Variants in HLF observed in about 807,000 individuals in gnomAD.
The protein encoded by HLF is HLF transcription factor, PAR bZIP family member, also known as hepatic leukemia factor.
A neutral mutation model predicts 22.6 loss-of-function variants in HLF; 3 were observed. The ratio of observed to expected loss-of-function variants is 0.13; its 90% CI spans 0.06 to 0.34. The LOEUF is 0.34. HLF is among the 10% of genes least tolerant of loss of function. The pLI, the probability that HLF is intolerant of heterozygous loss-of-function variation, is 1.00. For synonymous variants in HLF, 151 were observed against 151.8 expected (o/e 0.99, Z 0.04); for missense variants, 299 against 389.2 (o/e 0.77, Z 1.95).
At chr17:55,302,460 A>G (rs943350900) in intron 2 of HLF, among the ~76,000 whole-genome samples, 20 of 152,222 alleles carry the variant, frequency 1.3e-4, no homozygotes, top group Non-Finnish European at 1.5e-5. Context: ...CGCAGACTTT[A>G]AAACAACCTT....
chr17:55,265,292 G>GT lies in HLF; in HGVS notation c.-184dup, dbSNP rs564866737. 5.9e-4 allele frequency: 293 copies of GT among 493,648 alleles called. No homozygotes were observed. The highest frequency in any genetic ancestry group is 9.7e-4 in the East Asian group (27 of 27,884). 30.6% of individuals were successfully genotyped at this position (493,648 alleles called of 1,614,324 possible). A position where few individuals can be genotyped will look rare whatever the true frequency, so the allele number is the denominator to read the frequency against. ...GACCGTCTGCACTGGAAACCCGAAA[G>GT]TTTTTTTTTAATATATATTTTTATG... On this transcript the variant is annotated 5_prime_UTR_variant, in exon 1 of 4. Coordinates refer to ENST00000226067, the MANE Select transcript of HLF (RefSeq NM_002126.5).
chr17:55,285,751 CTTCGGAACACACT>C (rs2080997919), intron 2 of HLF, among the ~76,000 whole-genome samples: 1 of 152,236 alleles, frequency 6.6e-6, no homozygotes, highest in Non-Finnish European at 1.5e-5. Flanking sequence ...TTACATTTCA[CTTCGGAACACACT>C]TTCGCATCAC....
intron 2 of HLF, among the ~76,000 whole-genome samples, chr17:55,303,319 A>G (rs1333288429): frequency 6.6e-6 from 1 of 152,212 alleles, no homozygotes; most frequent in African/African-American, 2.4e-5. Context: ...ACTGTTGCAC[A>G]AAACACTGCA....
At chr17:55,312,475 G>A (rs921992319) in intron 2 of HLF, among the ~76,000 whole-genome samples, 4 of 152,170 alleles carry the variant, frequency 2.6e-5, no homozygotes, top group African/African-American at 9.7e-5. Flanking sequence ...ATTATACATC[G>A]TTATATATCC....
rs371358640 is a variant in HLF at position 55,324,815 on chromosome 17, ATG to A, written c.*3950_*3951del. 2.9e-3 allele frequency: 567 copies of A among 196,740 alleles called. No individual in the cohort carries two copies. Among genetic ancestry groups the A allele is most frequent in the Middle Eastern group, 8.1e-3 (5 of 614 alleles). The allele number at this position is 196,740 out of a possible 1,614,324, so 12.2% of individuals were successfully genotyped here. A position where few individuals can be genotyped will look rare whatever the true frequency, so the allele number is the denominator to read the frequency against. ...AGTGTGTGTGTGTGTGTGTGCGTGC[ATG>A]TGTGTGTGTGTGTATGTGTGTGAAT... On this transcript the variant is annotated 3_prime_UTR_variant, in exon 4 of 4. Coordinates refer to ENST00000226067, the MANE Select transcript of HLF (RefSeq NM_002126.5).
intron 2 of HLF, among the ~76,000 whole-genome samples, chr17:55,275,772 G>A (rs1320929502): frequency 1.3e-5 from 2 of 152,176 alleles, no homozygotes; most frequent in African/African-American, 4.8e-5. Context: ...TTGGTGCCCT[G>A]TACATAGTAG....
intron 2 of HLF, among the ~76,000 whole-genome samples, chr17:55,314,369 A>G (rs571873939): frequency 6.6e-6 from 1 of 152,290 alleles, no homozygotes; most frequent in Admixed American, 6.5e-5. Flanking sequence ...TGCTACCGTT[A>G]ATGTGTACAC....
chr17:55,300,818 C>T (rs1023627853), intron 2 of HLF, among the ~76,000 whole-genome samples: 2 of 152,212 alleles, frequency 1.3e-5, no homozygotes, highest in Non-Finnish European at 2.9e-5. Flanking sequence ...TGAAACGAGT[C>T]ATCTGATCAA....
intron 2 of HLF, among the ~76,000 whole-genome samples, chr17:55,299,141 A>T (rs563907108): frequency 2.6e-5 from 4 of 152,236 alleles, no homozygotes; most frequent in Non-Finnish European, 4.4e-5. Context: ...GAGATTGCTC[A>T]CCGTACCCCA....
rs575723143 is a variant in HLF, at chr17:55,301,140, A to G, written c.452-14087A>G. ...TCCTGTTGTCCCTGCACTCCCTCCA[A>G]AGATAGGGATTTGTGATCAACCTTT... On this transcript the variant is annotated intron_variant, in intron 2 of 3. Transcript: ENST00000226067. Among the ~76,000 whole-genome samples the G allele has an allele frequency of 3.9e-5, 6 of 152,324 alleles. No individual in the cohort carries two copies. In the East Asian group the frequency reaches 1.2e-3, roughly 29 times the overall value.
At chr17:55,304,810 G>T (rs929940360) in intron 2 of HLF, among the ~76,000 whole-genome samples, 2 of 152,208 alleles carry the variant, frequency 1.3e-5, no homozygotes. Context: ...TGAGGTGGGC[G>T]TCATTTCTCC....
At chr17:55,278,916 A>G (rs1174275814) in intron 2 of HLF, among the ~76,000 whole-genome samples, 1 of 152,216 alleles carries the variant, frequency 6.6e-6, no homozygotes, top group Admixed American at 6.5e-5. Context: ...TTTATAGAGG[A>G]AAGAGTAAGT....
chr17:55,269,498 T>C (rs2080832279), intron 2 of HLF, among the ~76,000 whole-genome samples: 1 of 152,218 alleles, frequency 6.6e-6, no homozygotes, highest in Non-Finnish European at 1.5e-5. Context: ...AGAGCCCCAG[T>C]GAGAGACACA....
At chr17:55,302,290 A>T (rs1211320508) in intron 2 of HLF, among the ~76,000 whole-genome samples, 1 of 152,264 alleles carries the variant, frequency 6.6e-6, no homozygotes, top group Admixed American at 6.5e-5. Flanking sequence ...AAGAGATTAC[A>T]GAGAACACTG....
At chr17:55,291,004 C>T (rs1468562890) in intron 2 of HLF, among the ~76,000 whole-genome samples, 1 of 152,214 alleles carries the variant, frequency 6.6e-6, no homozygotes, top group East Asian at 1.9e-4. Context: ...CAGGGCCTAA[C>T]TCTCTTCAAT....
At chr17:55,273,581 TG>T (rs1051600724) in intron 2 of HLF, 4 of 152,216 alleles carry the variant, frequency 2.6e-5, no homozygotes, top group Admixed American at 2.6e-4. Flanking sequence ...GCATGGCTTC[TG>T]GGTTACCAAC....
chr17:55,315,333 C>T lies in HLF; in HGVS notation c.558C>T (p.Ser186=). Residue 186 remains serine (S), a synonymous_variant, in exon 3 of 4, where the codon AGC becomes AGT. Transcript: ENST00000226067. Reference sequence around the variant, plus strand: ...ACCCAGCAGATCTTGCCCTTTCCAGCATCCCTGGCCAGGAAATGTTTGACC... The same window carrying T: ...ACCCAGCAGATCTTGCCCTTTCCAGTATCCCTGGCCAGGAAATGTTTGACC... The part of the protein sequence containing the change: ...EPDPADLALS[S]IPGQEMFDPR... 1 of 1,614,184 alleles carries T rather than the reference C, an allele frequency of 6.2e-7. No individual in the cohort carries two copies. The highest frequency in any genetic ancestry group is 8.5e-7 in the Non-Finnish European group (1 of 1,179,978).
chr17:55,267,323 C>G (rs943069597), intron 1 of HLF, among the ~76,000 whole-genome samples: 1 of 152,168 alleles, frequency 6.6e-6, no homozygotes. Context: ...GTCTGAATGA[C>G]CTCCTATTGC....
intron 2 of HLF, among the ~76,000 whole-genome samples, chr17:55,280,700 G>A (rs144185356): frequency 3.7e-4 from 56 of 152,198 alleles, no homozygotes; most frequent in African/African-American, 1.2e-3. Flanking sequence ...GCAGGATAAT[G>A]GGTTTTCAAT....
Sources: allele counts gnomAD v4.1 joint callset (sites outside exome capture counted in the v4.1 genomes callset), GRCh38; gene constraint gnomAD v4.1.1; transcripts MANE v1.5; gene names NCBI Gene and HGNC (gene_info 2026-07-23, HGNC 2026-07-21).